The following SEMA6B variants were observed in gnomAD, a reference collection of about 807,000 sequenced individuals.
SEMA6B encodes semaphorin-6B.
In SEMA6B, 47 loss-of-function variants were observed where a neutral mutation model predicts 78.6. That is an observed-to-expected ratio of 0.60 (90% CI 0.47 to 0.76). The LOEUF is 0.76. SEMA6B is among the 30% of genes least tolerant of loss of function. The pLI is 0.00. For synonymous variants in SEMA6B, 632 were observed against 592.2 expected, an observed-to-expected ratio of 1.07 and a Z score of -0.98; for missense variants, 1,213 against 1,269.9, an observed-to-expected ratio of 0.96 and a Z score of 0.68.
chr19:4,543,838 TG>T lies in SEMA6B; in HGVS notation c.2429del (p.Pro810GlnfsTer20). 8.2e-7 allele frequency: 1 copy of T among 1,212,130 alleles called. No individual in the cohort carries two copies. Among genetic ancestry groups the T allele is most frequent in the Non-Finnish European group, 1.0e-6 (1 of 975,876 alleles). 75.1% of individuals were successfully genotyped at this position (1,212,130 alleles called of 1,614,324 possible). On this transcript the variant is annotated frameshift_variant, in exon 17 of 17. Coordinates refer to ENST00000586582, the MANE Select transcript of SEMA6B (RefSeq NM_032108.4). LOFTEE classifies it high-confidence loss of function. ...VVSAPTGPLD[P>X]ASAADGLPRP... Reference sequence around the variant, plus strand: ...GCGGGAGGCCATCGGCGGCTGAGGCTGGGTCCAAGGGGCCCGTGGGCGCGGA... The same window carrying T: ...GCGGGAGGCCATCGGCGGCTGAGGCTGGTCCAAGGGGCCCGTGGGCGCGGA...
At position 4,542,704 on chromosome 19, in the gene SEMA6B, G is replaced by C. The variant is rs1310831376; in HGVS notation, c.*897C>G. ...ATGCATGGTCAGCTGGAGGTCAGAG[G>C]GGGGAGGTCACAAGGGGACGGGTGG... On this transcript the variant is annotated 3_prime_UTR_variant, in exon 17 of 17. Coordinates refer to ENST00000586582, the MANE Select transcript of SEMA6B (RefSeq NM_032108.4). 4 of 672,734 alleles carry C rather than the reference G, an allele frequency of 5.9e-6. No homozygotes were observed. Among genetic ancestry groups the C allele is most frequent in the African/African-American group, 3.5e-5 (2 of 56,660 alleles). The allele number at this position is 672,734 out of a possible 1,614,324, so 41.7% of individuals were successfully genotyped here. A position where few individuals can be genotyped will look rare whatever the true frequency, so the allele number is the denominator to read the frequency against.
Position 4,544,085 on chromosome 19 carries a change from TG to T in SEMA6B, c.2182del (p.His728ThrfsTer102), listed in dbSNP as rs1291069616. 8.0e-7 allele frequency: 1 copy of T among 1,251,412 alleles called. No homozygotes were observed. Among genetic ancestry groups the T allele is most frequent in the South Asian group, 2.9e-5 (1 of 34,730 alleles). The allele number at this position is 1,251,412 out of a possible 1,614,324, so 77.5% of individuals were successfully genotyped here. On this transcript the variant is annotated frameshift_variant, in exon 17 of 17. Coordinates refer to ENST00000586582, the MANE Select transcript of SEMA6B (RefSeq NM_032108.4). LOFTEE classifies it high-confidence loss of function. The surrounding 1 kb of genome is among the most constrained non-coding windows in gnomAD (Gnocchi z 5.1). Reference protein sequence around the residue: ...KRLPTPHPHPHALGPRAWDHG... With the variant: ...KRLPTPHPHPXALGPRAWDHG... The stretch of plus-strand genomic sequence containing the variant: ...GTCCCAGGCGCGGGGGCCCAGGGCG[TG>T]GGGGTGCGGGTGCGGAGTGGGCAGG...
At position 4,548,375 on chromosome 19, in the gene SEMA6B, C is replaced by A; in HGVS notation, c.1342G>T (p.Gly448Cys). The A allele has an allele frequency of 6.2e-7, 1 of 1,613,876 alleles. No individual in the cohort carries two copies. Among genetic ancestry groups the A allele is most frequent in the Non-Finnish European group, 8.5e-7 (1 of 1,180,018 alleles). ...TTGAGGACCGTCCCCGCCTCAGAACCCAGGAAGACAACGGTCTGGTTGCCC... is the reference window on the plus strand; with the variant it reads ...TTGAGGACCGTCCCCGCCTCAGAACACAGGAAGACAACGGTCTGGTTGCCC... ...PWGNQTVVFL[G>C]SEAGTVLKFL... The change falls in exon 13 of 17, where the codon GGT (glycine) becomes TGT (cysteine). Residue 448 changes from glycine to cysteine, a missense_variant. Coordinates refer to ENST00000586582, the MANE Select transcript of SEMA6B (RefSeq NM_032108.4).
chr19:4,555,967 G>C lies in SEMA6B; in HGVS notation c.471+21C>G, dbSNP rs1599807. 1.3e-6 allele frequency: 2 copies of C among 1,592,522 alleles called. No individual in the cohort carries two copies. ...GAGGCCTGGAGGTTGGACCTGGGGC[G>C]CAGGGAGTCTGAAGACTCACGCTGT... On this transcript the variant is annotated intron_variant, in intron 6 of 16. Coordinates refer to ENST00000586582, the MANE Select transcript of SEMA6B (RefSeq NM_032108.4). The surrounding 1 kb of genome is among the most constrained non-coding windows in gnomAD (Gnocchi z 6.1).
At chr19:4,549,202 G>A (rs1365752700) in intron 12 of SEMA6B, among the ~76,000 whole-genome samples, 1 of 150,884 alleles carries the variant, frequency 6.6e-6, no homozygotes, top group Admixed American at 6.6e-5. Context: ...CCCTATCTCT[G>A]TCTCTCTGGG....
In SEMA6B at chr19:4,547,961, G is replaced by T. The variant is rs1471721532; in HGVS notation, c.1601+66C>A. 8 of 1,468,054 alleles carry T rather than the reference G, an allele frequency of 5.4e-6. No homozygotes were observed. The East Asian group carries it at 1.9e-4, about 35-fold the overall frequency. 90.9% of individuals were successfully genotyped at this position (1,468,054 alleles called of 1,614,324 possible). A position where few individuals can be genotyped will look rare whatever the true frequency, so the allele number is the denominator to read the frequency against. ...TCATTGGGCTTTTGACTGGAACCCAGCTGTCCCTCCCTGTGCCCATCCTCC... is the reference window on the plus strand; with the variant it reads ...TCATTGGGCTTTTGACTGGAACCCATCTGTCCCTCCCTGTGCCCATCCTCC... On this transcript the variant is annotated intron_variant, in intron 14 of 16. Coordinates refer to ENST00000586582, the MANE Select transcript of SEMA6B (RefSeq NM_032108.4).
At position 4,550,839 on chromosome 19, in the gene SEMA6B, T is replaced by C. The variant is rs776468968; in HGVS notation, c.1081A>G (p.Ile361Val). The stretch of plus-strand genomic sequence containing the variant: ...TGATCCTCCGGCACCGGCGTCCAGA[T>C]GGACTCGGGGGACTTCTGCTCTCGG... The part of the protein sequence containing the change: ...RFREQKSPES[I>V]WTPVPEDQVP... Residue 361 changes from isoleucine (I) to valine (V), a missense_variant, in exon 11 of 17, where the codon ATC becomes GTC. Coordinates refer to ENST00000586582, the MANE Select transcript of SEMA6B (RefSeq NM_032108.4). This position sits in a 1 kb window ranked among gnomAD's most constrained non-coding sequence, Gnocchi z 6.6. 1.2e-6 allele frequency: 2 copies of C among 1,613,488 alleles called. No individual in the cohort carries two copies. Among genetic ancestry groups the C allele is most frequent in the Non-Finnish European group, 1.7e-6 (2 of 1,180,008 alleles).
chr19:4,557,345 C>CTA, intron 3 of SEMA6B, 122 bp from the exon 4 acceptor site: 1 of 686,796 alleles, frequency 1.5e-6, no homozygotes, highest in Non-Finnish European at 2.4e-6. Context: ...GCCTCTGACA[C>CTA]GAGCAACTCT....
chr19:4,559,041 A>G (rs1328071634), intron 1 of SEMA6B, among the ~76,000 whole-genome samples: 2 of 152,088 alleles, frequency 1.3e-5, no homozygotes, highest in African/African-American at 4.8e-5. Context: ...AAAAAAATAC[A>G]AAAATTAGCC....
chr19:4,544,500 G>A lies in SEMA6B; in HGVS notation c.1768C>T (p.Arg590Cys). The A allele has an allele frequency of 6.4e-7, 1 of 1,565,860 alleles. No homozygotes were observed. Among genetic ancestry groups the A allele is most frequent in the Non-Finnish European group, 8.7e-7 (1 of 1,155,358 alleles). ...AGGTTCACCGACACCAGCCCCGCGC[G>A]GTCCTCGGAGAGGCTGGCCCGCAGG... ...GLLRASLSEDRAGLVSVNLLV... is the reference protein window; with the variant it reads ...GLLRASLSEDCAGLVSVNLLV... The change falls in exon 17 of 17, where the codon CGC becomes TGC. Residue 590 changes from arginine to cysteine, a missense_variant. Arg to Cys is a radical substitution (Grantham distance 180, BLOSUM62 -3). Transcript: ENST00000586582. This position sits in a 1 kb window ranked among gnomAD's most constrained non-coding sequence, Gnocchi z 5.1.
chr19:4,549,924 C>T (rs1480810882), intron 12 of SEMA6B, among the ~76,000 whole-genome samples, 199 bp downstream of exon 12: 6 of 152,138 alleles, frequency 3.9e-5, no homozygotes, highest in African/African-American at 1.4e-4. Flanking sequence ...CATCTGTCAC[C>T]TCTTGATCCC....
Position 4,550,387 on chromosome 19 carries a change from G to GT in SEMA6B, c.1122-116dup. 8.9e-7 allele frequency: 1 copy of GT among 1,118,278 alleles called. No homozygotes were observed. The highest frequency in any genetic ancestry group is 1.3e-6 in the Non-Finnish European group (1 of 784,640). The allele number at this position is 1,118,278 out of a possible 1,614,324, so 69.3% of individuals were successfully genotyped here. On this transcript the variant is annotated intron_variant, in intron 11 of 16. Coordinates refer to ENST00000586582, the MANE Select transcript of SEMA6B (RefSeq NM_032108.4). This position sits in a 1 kb window ranked among gnomAD's most constrained non-coding sequence, Gnocchi z 6.6. ...GACCCTCAGGTTTTTTGTTTGTTTT[G>GT]TTTTTGAGACAGAGTCTCAATCTGT...
In SEMA6B at chr19:4,552,332, C is replaced by T; in HGVS notation, c.989+90G>A. 1 of 1,301,280 alleles carries T rather than the reference C, an allele frequency of 7.7e-7. No individual in the cohort carries two copies. The highest frequency in any genetic ancestry group is 2.4e-4 in the Middle Eastern group (1 of 4,094). 80.6% of individuals were successfully genotyped at this position (1,301,280 alleles called of 1,614,324 possible). A position where few individuals can be genotyped will look rare whatever the true frequency, so the allele number is the denominator to read the frequency against. On this transcript the variant is annotated intron_variant, in intron 10 of 16. Coordinates refer to ENST00000586582, the MANE Select transcript of SEMA6B (RefSeq NM_032108.4). This position sits in a 1 kb window ranked among gnomAD's most constrained non-coding sequence, Gnocchi z 7.4. ...TCTAATCCAGTGGTGCCCAACCTAG[C>T]ACCCAGGGCATACCTGAGGAGTGAA...
In SEMA6B at chr19:4,552,257, G is replaced by A. The variant is rs1977351827; in HGVS notation, c.989+165C>T. On this transcript the variant is annotated intron_variant, in intron 10 of 16. Transcript: ENST00000586582. The surrounding 1 kb of genome is among the most constrained non-coding windows in gnomAD (Gnocchi z 7.4). ...AGTTCTGACCAAAGGGACTTAGAGG[G>A]TCAGTGTCAGCTTGTCCCACCCCAG... 6.6e-6 allele frequency among the ~76,000 whole-genome samples: 1 copy of A among 152,180 alleles called. No homozygotes were observed. Among genetic ancestry groups the A allele is most frequent in the African/African-American group, 2.4e-5 (1 of 41,436 alleles).
chr19:4,543,954 C>T lies in SEMA6B; in HGVS notation c.2314G>A (p.Gly772Ser), dbSNP rs1222889210. 3 of 1,201,692 alleles carry T rather than the reference C, an allele frequency of 2.5e-6. No individual in the cohort carries two copies. The highest frequency in any genetic ancestry group is 3.5e-5 in the East Asian group (1 of 28,644). 74.4% of individuals were successfully genotyped at this position (1,201,692 alleles called of 1,614,324 possible). ...PPAPGEPTPD[G>S]RLYAARPGRA... is the part of the protein sequence containing the mutation. Reference sequence around the variant, plus strand: ...CCGGGCCGGGCAGCATAGAGGCGGCCGTCGGGGGTCGGCTCCCCAGGCGCG... The same window carrying T: ...CCGGGCCGGGCAGCATAGAGGCGGCTGTCGGGGGTCGGCTCCCCAGGCGCG... Residue 772 changes from glycine (G) to serine (S), a missense_variant, in exon 17 of 17, where the codon GGC (glycine) becomes AGC (serine). Physicochemically the swap from Gly to Ser is moderately conservative, Grantham distance 56. Coordinates refer to ENST00000586582, the MANE Select transcript of SEMA6B (RefSeq NM_032108.4).
rs774518761 is a variant in SEMA6B at position 4,550,323 on chromosome 19, G to A, written c.1122-51C>T. On this transcript the variant is annotated intron_variant, in intron 11 of 16. Transcript: ENST00000586582. The surrounding 1 kb of genome is among the most constrained non-coding windows in gnomAD (Gnocchi z 6.6). Reference sequence around the variant, plus strand: ...GACGAACGTAAAGGTTCTCATAAAGGGGCCTGATTCACCAGAGGTACCCAT... The same window carrying A: ...GACGAACGTAAAGGTTCTCATAAAGAGGCCTGATTCACCAGAGGTACCCAT... 10 of 1,598,112 alleles carry A rather than the reference G, an allele frequency of 6.3e-6. No homozygotes were observed. The Admixed American group carries it at 6.7e-5, about 11-fold the overall frequency.
chr19:4,558,248 G>A lies in SEMA6B; in HGVS notation c.121+89C>T. The A allele has an allele frequency of 7.7e-7, 1 of 1,305,230 alleles. No individual in the cohort carries two copies. Among genetic ancestry groups the A allele is most frequent in the South Asian group, 2.6e-5 (1 of 38,564 alleles). The allele number at this position is 1,305,230 out of a possible 1,614,324, so 80.9% of individuals were successfully genotyped here. ...TCTAGGGGTGGCTCCTGGACTGCTT[G>A]AGTCCCCCAGTGGGGGCAGCAGACC... On this transcript the variant is annotated intron_variant, in intron 2 of 16. Transcript: ENST00000586582. The surrounding 1 kb of genome is among the most constrained non-coding windows in gnomAD (Gnocchi z 5.1).
chr19:4,549,702 T>C (rs1977269810), intron 12 of SEMA6B, among the ~76,000 whole-genome samples: 1 of 152,174 alleles, frequency 6.6e-6, no homozygotes, highest in Non-Finnish European at 1.5e-5. Flanking sequence ...ATGGTCTCCA[T>C]CTCCTGGCCT....
In SEMA6B at chr19:4,555,481, G is replaced by C. The variant is rs1310114874; in HGVS notation, c.555C>G (p.Leu185=). 1.2e-6 allele frequency: 2 copies of C among 1,611,972 alleles called. No homozygotes were observed. The highest frequency in any genetic ancestry group is 1.7e-6 in the Non-Finnish European group (2 of 1,179,178). ...GGTTGGGGGGGTACTTACCAGAGAA[G>C]AGGGCAACATTGGCGTGCTTGGGGT... ...PYDPKHANVA[L]FSDGMLFTAT... is the part of the protein sequence containing the mutation. The change falls in exon 7 of 17, where the codon CTC becomes CTG. Residue 185 remains leucine (L), a synonymous_variant. Coordinates refer to ENST00000586582, the MANE Select transcript of SEMA6B (RefSeq NM_032108.4). This position sits in a 1 kb window ranked among gnomAD's most constrained non-coding sequence, Gnocchi z 6.1.
Sources: gnomAD v4.1 joint callset for allele counts (sites outside exome capture counted in the v4.1 genomes callset) on GRCh38, gnomAD v4.1.1 for gene constraint, Gnocchi (gnomAD v3.1) non-coding constraint, MANE v1.5 for transcripts, NCBI Gene and HGNC (gene_info 2026-07-23, HGNC 2026-07-21) for gene names.